GRIP1: variants seen among roughly 807,000 people sequenced by gnomAD.
The protein encoded by GRIP1 is glutamate receptor interacting protein 1.
A neutral mutation model predicts 129.9 loss-of-function variants in GRIP1; 45 were observed. The ratio of observed to expected loss-of-function variants is 0.35; its 90% CI spans 0.27 to 0.44. GRIP1 has a LOEUF of 0.44. GRIP1 is among the 20% of genes least tolerant of loss of function. GRIP1 has a pLI of 1.00. For missense variants in GRIP1, 1,196 were observed against 1,396.8 expected (o/e 0.86, Z 2.29); for synonymous variants, 530 against 520.8 (o/e 1.02, Z -0.24).
chr12:66,357,347 CCT>C (rs1324024155), intron 23 of GRIP1, among the ~76,000 whole-genome samples: 6 of 152,142 alleles, frequency 3.9e-5, no homozygotes, highest in African/African-American at 1.4e-4. Flanking sequence ...GTAGTATATT[CCT>C]CTGTCTCCCA....
intron 7 of GRIP1, among the ~76,000 whole-genome samples, chr12:66,513,638 C>A (rs2060763734): frequency 1.3e-5 from 2 of 152,068 alleles, no homozygotes; most frequent in African/African-American, 4.8e-5. Flanking sequence ...GGCTGATATA[C>A]AGAAAGGAAA....
chr12:67,023,504 G>C (rs892276456), intron 1 of GRIP1, among the ~76,000 whole-genome samples: 4 of 151,774 alleles, frequency 2.6e-5, no homozygotes, highest in African/African-American at 9.7e-5. Context: ...TCTTGATGCT[G>C]ATACCATACT....
At chr12:66,444,263 G>A (rs939352989) in intron 13 of GRIP1, among the ~76,000 whole-genome samples, 5 of 151,504 alleles carry the variant, frequency 3.3e-5, no homozygotes, top group Non-Finnish European at 5.9e-5. Context: ...GAGGCGGGTG[G>A]ATCATGAGGT....
chr12:66,976,074 T>C (rs1028234646), intron 1 of GRIP1, among the ~76,000 whole-genome samples: 10 of 152,214 alleles, frequency 6.6e-5, no homozygotes, highest in Non-Finnish European at 1.3e-4. Context: ...CCCAGTTGCA[T>C]AGGCTTGGGC....
chr12:66,691,986 T>A (rs917438964), intron 1 of GRIP1, among the ~76,000 whole-genome samples: 2 of 152,180 alleles, frequency 1.3e-5, no homozygotes, highest in African/African-American at 4.8e-5. Flanking sequence ...ATAAAAGGTA[T>A]CTTCCAAGTA....
At chr12:66,718,634 T>C (rs2035965107) in intron 1 of GRIP1, among the ~76,000 whole-genome samples, 1 of 152,090 alleles carries the variant, frequency 6.6e-6, no homozygotes, top group Non-Finnish European at 1.5e-5. Context: ...GTGGATCATC[T>C]GAGGTCAGGA....
intron 24 of GRIP1, among the ~76,000 whole-genome samples, chr12:66,352,366 G>A (rs1251378431): frequency 6.6e-6 from 1 of 152,132 alleles, no homozygotes; most frequent in East Asian, 1.9e-4. Flanking sequence ...CACAAGCTCA[G>A]GGCACAGCAG....
At chr12:66,568,300 C>A in intron 2 of GRIP1, 1 of 178,334 alleles carries the variant, frequency 5.6e-6, no homozygotes. Flanking sequence ...ACCGTTCAAT[C>A]CCTGGTCACC....
intron 1 of GRIP1, among the ~76,000 whole-genome samples, chr12:66,694,811 T>C (rs1377994481): frequency 6.6e-6 from 1 of 152,148 alleles, no homozygotes; most frequent in Non-Finnish European, 1.5e-5. Context: ...TCCCAGGGAA[T>C]AGATGCTGGT....
At chr12:66,725,650 C>G (rs1473209822) in intron 1 of GRIP1, among the ~76,000 whole-genome samples, 2 of 152,110 alleles carry the variant, frequency 1.3e-5, no homozygotes, top group African/African-American at 4.8e-5. Context: ...AAGCGATCAT[C>G]TGTTCCAGCG....
chr12:66,677,754 T>C (rs914121716), intron 1 of GRIP1, among the ~76,000 whole-genome samples: 1 of 152,218 alleles, frequency 6.6e-6, no homozygotes, highest in Non-Finnish European at 1.5e-5. Flanking sequence ...TCTCATGATT[T>C]GCTTTGTGCT....
intron 1 of GRIP1, among the ~76,000 whole-genome samples, chr12:67,043,114 C>A (rs146596364): frequency 1.3e-5 from 2 of 152,070 alleles, no homozygotes; most frequent in African/African-American, 4.8e-5. Context: ...TCTGCAGGTG[C>A]GAGGGACTGC....
At position 66,379,344 on chromosome 12, in the gene GRIP1, G is replaced by C; in HGVS notation, c.2557C>G (p.Arg853Gly). 6.2e-7 allele frequency: 1 copy of C among 1,613,948 alleles called. No individual in the cohort carries two copies. The highest frequency in any genetic ancestry group is 8.5e-7 in the Non-Finnish European group (1 of 1,179,854). ...CCCACATCTGGGTAAGTCTGGCTTC[G>C]AGGCTTAGTGACTGGGGACAAGCTG... ...RGSLSPVTKP[R>G]SQTYPDVGLS... The change falls in exon 20 of 25, where the codon CGA becomes GGA. Residue 853 changes from arginine to glycine, a missense_variant. By Grantham distance (125) the Arg-to-Gly change is moderately radical. This residue lies in a region of GRIP1 where 427 missense variants were observed against 463.3 expected (regional missense o/e 0.92). Coordinates refer to ENST00000359742, the MANE Select transcript of GRIP1 (RefSeq NM_001366722.1).
chr12:66,690,725 T>G (rs563219769), intron 1 of GRIP1, among the ~76,000 whole-genome samples: 3,281 of 149,216 alleles, frequency 0.022, 104 homozygotes, highest in African/African-American at 0.066. Flanking sequence ...AAAAATTTTT[T>G]CAAAAAATTT....
At chr12:66,927,127 C>T (rs1383592546) in intron 1 of GRIP1, among the ~76,000 whole-genome samples, 2 of 152,176 alleles carry the variant, frequency 1.3e-5, no homozygotes, top group African/African-American at 2.4e-5. Flanking sequence ...CTTGTCTATA[C>T]CCTCCAGGTG....
At chr12:66,388,147 CAA>C (rs2056433631) in intron 19 of GRIP1, among the ~76,000 whole-genome samples, 1 of 147,674 alleles carries the variant, frequency 6.8e-6, no homozygotes, top group Non-Finnish European at 1.5e-5. Context: ...AAAAACCAAA[CAA>C]AGAAATCAAA....
intron 1 of GRIP1, among the ~76,000 whole-genome samples, chr12:66,944,766 G>A (rs1453451356): frequency 6.6e-6 from 1 of 151,952 alleles, no homozygotes; most frequent in East Asian, 1.9e-4. Flanking sequence ...AAGTTTAAAA[G>A]GCAAATTACG....
At chr12:66,420,670 C>T in intron 15 of GRIP1, 50 bp downstream of exon 15, 1 of 1,017,344 alleles carries the variant, frequency 9.8e-7, no homozygotes, top group East Asian at 2.4e-5. Context: ...GTCATGTTTA[C>T]TTAAATTAAG....
chr12:66,677,998 T>A (rs931199684), intron 1 of GRIP1, among the ~76,000 whole-genome samples: 4 of 152,144 alleles, frequency 2.6e-5, no homozygotes, highest in Non-Finnish European at 4.4e-5. Context: ...AGTTTTTTTT[T>A]AAATAATAAA....
Sources: gnomAD v4.1 joint callset for allele counts (sites outside exome capture counted in the v4.1 genomes callset) on GRCh38, gnomAD v4.1.1 for gene constraint, gnomAD v4.1.1 regional missense constraint, MANE v1.5 for transcripts, NCBI Gene and HGNC (gene_info 2026-07-23, HGNC 2026-07-21) for gene names.